Variants in ADGRB3 observed in about 807,000 individuals in gnomAD.
The protein encoded by ADGRB3 is brain-specific angiogenesis inhibitor 3.
In ADGRB3, 37 loss-of-function variants were observed where a neutral mutation model predicts 193.4. The observed-to-expected ratio is 0.19, with a 90% CI of 0.15 to 0.25. The LOEUF is 0.25. ADGRB3 is among the 10% of genes least tolerant of loss of function. The probability of loss-of-function intolerance (pLI) is 1.00; values close to 1 mark genes in which losing one functional copy is unlikely to be tolerated. For synonymous variants in ADGRB3, 690 were observed against 644.2 expected (o/e 1.07, Z -1.08); for missense variants, 1,637 against 1,852.9 (o/e 0.88, Z 2.14).
At chr6:68,741,570 C>A (rs1048646569) in intron 3 of ADGRB3, among the ~76,000 whole-genome samples, 1 of 152,134 alleles carries the variant, frequency 6.6e-6, no homozygotes, top group African/African-American at 2.4e-5. Context: ...GTAGTTTTTG[C>A]AGAGGCAGGG....
At chr6:68,903,165 G>A (rs1766445159) in intron 3 of ADGRB3, among the ~76,000 whole-genome samples, 1 of 152,122 alleles carries the variant, frequency 6.6e-6, no homozygotes, top group African/African-American at 2.4e-5. Flanking sequence ...GTGAAAAGAA[G>A]GTAGATTATT....
intron 14 of ADGRB3, 68 bp downstream of exon 14, chr6:69,048,402 G>A (rs914315868): frequency 2.7e-6 from 4 of 1,462,260 alleles, no homozygotes; most frequent in Non-Finnish European, 3.8e-6. Flanking sequence ...TAGAAATTAG[G>A]TATAAATCTT....
chr6:69,118,422 A>G (rs1773592382), intron 17 of ADGRB3, among the ~76,000 whole-genome samples: 1 of 149,594 alleles, frequency 6.7e-6, no homozygotes, highest in Non-Finnish European at 1.5e-5. Context: ...AGATGCCTAC[A>G]AGAGATAAAG....
chr6:68,824,134 G>A (rs1582231567), intron 3 of ADGRB3, among the ~76,000 whole-genome samples: 2 of 152,144 alleles, frequency 1.3e-5, no homozygotes, highest in Middle Eastern at 3.4e-3. Context: ...CTTTGAATAT[G>A]TCCCAGGTGC....
intron 3 of ADGRB3, among the ~76,000 whole-genome samples, chr6:68,680,674 G>A (rs975650259): frequency 2.6e-5 from 4 of 152,106 alleles, no homozygotes; most frequent in African/African-American, 9.7e-5. Flanking sequence ...TGATATCAGT[G>A]GCAATTGGTC....
At chr6:69,271,761 C>T (rs1484281197) in intron 20 of ADGRB3, among the ~76,000 whole-genome samples, 2 of 152,104 alleles carry the variant, frequency 1.3e-5, no homozygotes, top group African/African-American at 4.8e-5. Context: ...CAGACACACC[C>T]CTTTCCAATT....
Position 68,988,193 on chromosome 6 carries a change from A to G in ADGRB3, c.1735-5575A>G, listed in dbSNP as rs556165565. On this transcript the variant is annotated intron_variant, in intron 10 of 31. Transcript: ENST00000370598. ...GAAACTACAGGCTCTTTAGGAGTTT[A>G]TGGTCTAGTGGAATGGATAAGATAA... Among the ~76,000 whole-genome samples the G allele has an allele frequency of 5.3e-5, 8 of 152,304 alleles. No homozygotes were observed. In the South Asian group the frequency reaches 1.4e-3, roughly 28 times the overall value.
chr6:68,951,659 C>G (rs570338002), intron 6 of ADGRB3, among the ~76,000 whole-genome samples: 2 of 152,156 alleles, frequency 1.3e-5, no homozygotes, highest in Non-Finnish European at 2.9e-5. Flanking sequence ...CCAGGGAACT[C>G]TTTTCTGACA....
intron 3 of ADGRB3, among the ~76,000 whole-genome samples, chr6:68,854,186 G>A (rs1582256686): frequency 6.6e-6 from 1 of 152,034 alleles, no homozygotes; most frequent in East Asian, 1.9e-4. Context: ...CTTCCATTAG[G>A]TAATCTCTGC....
intron 20 of ADGRB3, among the ~76,000 whole-genome samples, chr6:69,254,706 T>C (rs2127268776): frequency 6.6e-6 from 1 of 152,044 alleles, no homozygotes; most frequent in East Asian, 1.9e-4. Context: ...TCTTTTTTTT[T>C]TCTTTTTTTT....
intron 22 of ADGRB3, among the ~76,000 whole-genome samples, chr6:69,329,856 T>G (rs1768677783): frequency 6.6e-6 from 1 of 152,182 alleles, no homozygotes; most frequent in Admixed American, 6.6e-5. Flanking sequence ...ATGGATTATC[T>G]TGTCTCTATC....
intron 3 of ADGRB3, among the ~76,000 whole-genome samples, chr6:68,767,847 G>C (rs1766540269): frequency 6.6e-6 from 1 of 152,080 alleles, no homozygotes; most frequent in Non-Finnish European, 1.5e-5. Flanking sequence ...CAAAGTCTCA[G>C]GATACGAAAT....
chr6:68,992,290 C>A (rs1769259489), intron 10 of ADGRB3, among the ~76,000 whole-genome samples: 1 of 152,046 alleles, frequency 6.6e-6, no homozygotes, highest in Non-Finnish European at 1.5e-5. Flanking sequence ...AAACGCATGA[C>A]CTGAACAGAA....
At position 69,239,296 on chromosome 6, in the gene ADGRB3, C is replaced by G. The variant is rs568816730; in HGVS notation, c.2814+70C>G. 72 of 1,048,652 alleles carry G rather than the reference C, an allele frequency of 6.9e-5. 2 individuals are homozygous for G. In the South Asian group the frequency reaches 8.6e-4, roughly 12 times the overall value. 65.0% of individuals were successfully genotyped at this position (1,048,652 alleles called of 1,614,324 possible). ...TGGCATATTGTTAGTTATTGATAAT[C>G]TAAACATTCATTCTAAAATGGAGAA... On this transcript the variant is annotated intron_variant, in intron 20 of 31. Coordinates refer to ENST00000370598, the MANE Select transcript of ADGRB3 (RefSeq NM_001704.3).
intron 17 of ADGRB3, among the ~76,000 whole-genome samples, chr6:69,150,805 C>T (rs1300829408): frequency 6.6e-6 from 1 of 152,176 alleles, no homozygotes; most frequent in African/African-American, 2.4e-5. Context: ...CCCGAGGGCT[C>T]TTTAGCAGCA....
At chr6:69,101,436 G>A (rs1172722419) in intron 17 of ADGRB3, among the ~76,000 whole-genome samples, 1 of 113,284 alleles carries the variant, frequency 8.8e-6, no homozygotes, top group Non-Finnish European at 1.9e-5. Context: ...TAAGTATCGT[G>A]TGTGTGTGTG....
chr6:69,086,681 A>G (rs1372026809), intron 17 of ADGRB3, among the ~76,000 whole-genome samples: 1 of 152,130 alleles, frequency 6.6e-6, no homozygotes, highest in African/African-American at 2.4e-5. Context: ...AAAGATTTCT[A>G]AAAAGTGCAT....
chr6:69,191,576 T>G (rs1322462558), intron 17 of ADGRB3, among the ~76,000 whole-genome samples: 5 of 152,154 alleles, frequency 3.3e-5, no homozygotes, highest in Non-Finnish European at 7.4e-5. Context: ...AAATAATTAT[T>G]TTGTGCTTAT....
At chr6:68,742,371 T>C (rs886896159) in intron 3 of ADGRB3, among the ~76,000 whole-genome samples, 3 of 152,158 alleles carry the variant, frequency 2.0e-5, no homozygotes, top group Admixed American at 2.0e-4. Flanking sequence ...GGAACTCTTA[T>C]AGTTTTTTTT....
Sources: allele counts gnomAD v4.1 joint callset (sites outside exome capture counted in the v4.1 genomes callset), GRCh38; gene constraint gnomAD v4.1.1; transcripts MANE v1.5; gene names NCBI Gene and HGNC (gene_info 2026-07-23, HGNC 2026-07-21).